Variants in PCNX2 observed in about 807,000 individuals in gnomAD.
The protein encoded by PCNX2 is pecanex-like protein 2.
A neutral mutation model predicts 223.8 loss-of-function variants in PCNX2; 168 were observed. That is an observed-to-expected ratio of 0.75 (90% CI 0.66 to 0.85). PCNX2 has a LOEUF of 0.85. Ranked by LOEUF, PCNX2 falls within the 40% of genes least tolerant of loss-of-function variation. The pLI, the probability that PCNX2 is intolerant of heterozygous loss-of-function variation, is 0.00. For synonymous variants in PCNX2, 1,006 were observed against 1,052.6 expected (o/e 0.96, Z 0.86); for missense variants, 2,507 against 2,675.5 (o/e 0.94, Z 1.39).
At chr1:233,156,399 T>C (rs1405797789) in intron 19 of PCNX2, among the ~76,000 whole-genome samples, 1 of 152,150 alleles carries the variant, frequency 6.6e-6, no homozygotes, top group Non-Finnish European at 1.5e-5. Flanking sequence ...CAGAGTGAAG[T>C]GATGATGGTT....
intron 25 of PCNX2, among the ~76,000 whole-genome samples, chr1:233,046,297 CAGGAAACTGAAA>C: frequency 6.6e-6 from 1 of 152,146 alleles, no homozygotes; most frequent in Admixed American, 6.5e-5. Context: ...TTTTGGAAAA[CAGGAAACTGAAA>C]AGGAAAATGC....
At chr1:233,326,746 C>G in the PCNX2 span, among the ~76,000 whole-genome samples, 4 of 152,190 alleles carry the variant, frequency 2.6e-5, no homozygotes, top group Non-Finnish European at 5.9e-5. Flanking sequence ...TGGCCTACTA[C>G]AGGATAATCT....
At chr1:233,149,555 A>G (rs909848649) in intron 19 of PCNX2, among the ~76,000 whole-genome samples, 1 of 152,196 alleles carries the variant, frequency 6.6e-6, no homozygotes, top group Non-Finnish European at 1.5e-5. Context: ...CTGTGCTGTT[A>G]CCATCCCCTT....
intron 9 of PCNX2, chr1:233,232,849 A>ACCGT (rs1438805228): frequency 1.0e-6 from 1 of 985,234 alleles, no homozygotes; most frequent in Non-Finnish European, 1.2e-6. Context: ...GCAATGCTTG[A>ACCGT]CCGTCATGCT....
chr1:233,215,312 C>A (rs1427477816), intron 12 of PCNX2, among the ~76,000 whole-genome samples: 2 of 152,186 alleles, frequency 1.3e-5, no homozygotes, highest in East Asian at 3.9e-4. Flanking sequence ...AATGCCAACT[C>A]AAATCAGAGA....
At chr1:233,125,411 T>C (rs563628818) in intron 21 of PCNX2, among the ~76,000 whole-genome samples, 122 of 152,330 alleles carry the variant, frequency 8.0e-4, no homozygotes, top group South Asian at 1.7e-3. Flanking sequence ...AGCATCCTCT[T>C]GACCCAGCAA....
At chr1:233,060,237 T>A (rs1672355300) in intron 23 of PCNX2, among the ~76,000 whole-genome samples, 1 of 152,230 alleles carries the variant, frequency 6.6e-6, no homozygotes, top group Admixed American at 6.5e-5. Flanking sequence ...TAATGAAGGC[T>A]GAAGTCCCAC....
intron 23 of PCNX2, among the ~76,000 whole-genome samples, chr1:233,087,985 C>A (rs1290498325): frequency 1.3e-5 from 2 of 152,186 alleles, no homozygotes; most frequent in African/African-American, 2.4e-5. Flanking sequence ...GGCAGAATCA[C>A]TTCTTTGTGG....
In PCNX2 at chr1:233,083,227, G is replaced by A. The variant is rs951738704; in HGVS notation, c.4076+6834C>T. Among the ~76,000 whole-genome samples, 21 of 152,262 alleles carry A rather than the reference G, an allele frequency of 1.4e-4. No homozygotes were observed. The Middle Eastern group carries it at 0.01, about 74-fold the overall frequency. On this transcript the variant is annotated intron_variant, in intron 23 of 33. Transcript: ENST00000258229. ...ATCCACTGAACATCTAGATGAGGCC[G>A]ACTAGGATTTCCAAGGTCTAGACCA...
At chr1:233,110,858 A>G (rs1675071689) in intron 21 of PCNX2, among the ~76,000 whole-genome samples, 1 of 151,012 alleles carries the variant, frequency 6.6e-6, no homozygotes, top group Non-Finnish European at 1.5e-5. Context: ...TAAATAATAT[A>G]CCACTTTCTG....
intron 23 of PCNX2, among the ~76,000 whole-genome samples, chr1:233,065,910 T>C (rs1393207342): frequency 6.6e-6 from 1 of 152,066 alleles, no homozygotes; most frequent in Non-Finnish European, 1.5e-5. Context: ...CAAAGACAAA[T>C]TAAAGCCTGA....
intron 8 of PCNX2, among the ~76,000 whole-genome samples, chr1:233,246,184 T>C (rs1659110302): frequency 6.6e-6 from 1 of 151,696 alleles, no homozygotes; most frequent in Non-Finnish European, 1.5e-5. Context: ...ATAAATGCCC[T>C]TCAGATGGGA....
chr1:233,077,494 A>C (rs1434846457), intron 23 of PCNX2, among the ~76,000 whole-genome samples: 1 of 152,130 alleles, frequency 6.6e-6, no homozygotes, highest in Non-Finnish European at 1.5e-5. Context: ...TGAGTGCTCT[A>C]CTATTCTGCA....
chr1:233,084,078 T>C (rs1673483449), intron 23 of PCNX2, among the ~76,000 whole-genome samples: 1 of 152,206 alleles, frequency 6.6e-6, no homozygotes, highest in African/African-American at 2.4e-5. Flanking sequence ...CATGTCTCTT[T>C]TGGTGCGTAT....
intron 31 of PCNX2, 97 bp from the exon 32 acceptor site, chr1:232,998,535 C>T (rs982358598): frequency 1.6e-5 from 23 of 1,395,732 alleles, no homozygotes; most frequent in Middle Eastern, 1.8e-4. Context: ...GATCGAAGAG[C>T]GTGCTCTCCA....
At chr1:233,087,277 G>C (rs990635351) in intron 23 of PCNX2, 41 of 917,070 alleles carry the variant, frequency 4.5e-5, no homozygotes, top group Non-Finnish European at 5.3e-5. Flanking sequence ...AAAGAAAGAG[G>C]AAGCCAGGAG....
intron 15 of PCNX2, 34 bp downstream of exon 15, chr1:233,198,905 G>A (rs745533270): frequency 6.4e-5 from 97 of 1,517,322 alleles, no homozygotes; most frequent in South Asian, 2.1e-4. Flanking sequence ...TTAATGAATC[G>A]AGAAGGATGA....
At chr1:233,272,840 T>C (rs1660713815) in intron 1 of PCNX2, among the ~76,000 whole-genome samples, 1 of 152,190 alleles carries the variant, frequency 6.6e-6, no homozygotes. Flanking sequence ...ATAATTGCAT[T>C]CACAGCAACC....
chr1:232,998,923 T>A (rs150084327), intron 31 of PCNX2, among the ~76,000 whole-genome samples, 182 bp downstream of exon 31: 1 of 152,292 alleles, frequency 6.6e-6, no homozygotes, highest in African/African-American at 2.4e-5. Flanking sequence ...TTTCCATGGA[T>A]TCATAATCTG....
Sources: gnomAD v4.1 joint callset for allele counts (sites outside exome capture counted in the v4.1 genomes callset) on GRCh38, gnomAD v4.1.1 for gene constraint, MANE v1.5 for transcripts, NCBI Gene and HGNC (gene_info 2026-07-23, HGNC 2026-07-21) for gene names.